The following CACNA1G variants were observed in gnomAD, a reference collection of about 807,000 sequenced individuals.
CACNA1G encodes the protein voltage-dependent T-type calcium channel subunit alpha-1G.
CACNA1G carries 67 observed loss-of-function variants against 219.4 expected under a neutral mutation model. The observed-to-expected ratio is 0.31, with a 90% CI of 0.25 to 0.37. The LOEUF (loss-of-function observed/expected upper bound fraction) is 0.37. Ranked by LOEUF, CACNA1G falls within the 10% of genes least tolerant of loss-of-function variation. The pLI is 1.00. For missense variants in CACNA1G, 2,380 were observed against 3,231.4 expected, an observed-to-expected ratio of 0.74 and a Z score of 6.39; for synonymous variants, 1,296 against 1,345.3, an observed-to-expected ratio of 0.96 and a Z score of 0.80.
intron 22 of CACNA1G, among the ~76,000 whole-genome samples, chr17:50,605,513 G>A (rs905478251): frequency 9.9e-5 from 15 of 152,146 alleles, no homozygotes; most frequent in Admixed American, 4.6e-4. Context: ...TTAAAAGATC[G>A]CTGCTCCCCC....
chr17:50,617,597 C>T lies in CACNA1G; in HGVS notation c.5155+26C>T. ...GTTGGTGCCCAGCCCACGCACCTGC[C>T]CTCCTAGGGTGACCAGCCCAGGGAG... is the stretch of plus-strand genomic sequence containing the variant. On this transcript the variant is annotated intron_variant, in intron 29 of 37. Transcript: ENST00000359106. This position sits in a 1 kb window ranked among gnomAD's most constrained non-coding sequence, Gnocchi z 5.8. 1.2e-6 allele frequency: 2 copies of T among 1,609,148 alleles called. No homozygotes were observed. Among genetic ancestry groups the T allele is most frequent in the Non-Finnish European group, 8.5e-7 (1 of 1,176,658 alleles).
chr17:50,567,978 A>G (rs1336166191), intron 1 of CACNA1G, among the ~76,000 whole-genome samples: 1 of 152,166 alleles, frequency 6.6e-6, no homozygotes, highest in Non-Finnish European at 1.5e-5. Context: ...GGGGGTAGAC[A>G]TTGTCCACTC....
chr17:50,572,416 C>A (rs916979), intron 5 of CACNA1G, 138 bp from the exon 6 acceptor site: 5 of 706,338 alleles, frequency 7.1e-6, no homozygotes, highest in East Asian at 2.7e-5. Flanking sequence ...CCTGCCCTGC[C>A]CAGTCCCTTC....
At chr17:50,609,588 G>T (rs890207486) in intron 25 of CACNA1G, among the ~76,000 whole-genome samples, 1 of 152,198 alleles carries the variant, frequency 6.6e-6, no homozygotes, top group Non-Finnish European at 1.5e-5. Context: ...TGTCTCAGGT[G>T]CAGCTGAGGC....
At chr17:50,604,532 T>C (rs1471495784) in intron 22 of CACNA1G, among the ~76,000 whole-genome samples, 2 of 152,258 alleles carry the variant, frequency 1.3e-5, no homozygotes, top group South Asian at 2.1e-4. Context: ...CGCAGGCTGC[T>C]GTTCCTGCCC....
Position 50,604,295 on chromosome 17 carries a change from TG to T in CACNA1G, c.4296+19del, listed in dbSNP as rs2047459516. The T allele has an allele frequency of 6.2e-7, 1 of 1,612,340 alleles. No homozygotes were observed. The highest frequency in any genetic ancestry group is 2.2e-5 in the East Asian group (1 of 44,826). On this transcript the variant is annotated intron_variant, in intron 22 of 37. Transcript: ENST00000359106. ...TTGGGGGTGCAGGTGTGTGGGGTTC[TG>T]GGGGCCAGCTGTGGGTGAAAGCCTG...
chr17:50,581,426 G>T lies in CACNA1G; in HGVS notation c.2301+2862G>T, dbSNP rs550486313. Reference sequence around the variant, plus strand: ...GGCGGGCACTGGAAAGGGTGTTGCTGGTGCTTTGCCAGAGGAGGAGTCCCT... The same window carrying T: ...GGCGGGCACTGGAAAGGGTGTTGCTTGTGCTTTGCCAGAGGAGGAGTCCCT... On this transcript the variant is annotated intron_variant, in intron 9 of 37. Coordinates refer to ENST00000359106, the MANE Select transcript of CACNA1G (RefSeq NM_018896.5). 9.2e-5 allele frequency among the ~76,000 whole-genome samples: 14 copies of T among 152,152 alleles called. 1 individual carries two copies. The South Asian group carries it at 2.9e-3, about 32-fold the overall frequency.
At chr17:50,601,030 G>A (rs369505441) in intron 18 of CACNA1G, 21 bp from the exon 19 acceptor site, 177 of 1,611,426 alleles carry the variant, frequency 1.1e-4, no homozygotes, top group Middle Eastern at 9.9e-4. Context: ...CCTCTCAGCC[G>A]TTGCCTCCAT....
At position 50,596,490 on chromosome 17, in the gene CACNA1G, AG is replaced by A; in HGVS notation, c.2980-69del. The A allele has an allele frequency of 8.3e-7, 1 of 1,208,324 alleles. No individual in the cohort carries two copies. The highest frequency in any genetic ancestry group is 2.4e-5 in the East Asian group (1 of 42,460). 74.9% of individuals were successfully genotyped at this position (1,208,324 alleles called of 1,614,324 possible). Reference sequence around the variant, plus strand: ...ATATGTGGTGTGCGTGTGTGAAGAGAGGGAGGCCCGGTCCATCCCAACCACC... The same window carrying A: ...ATATGTGGTGTGCGTGTGTGAAGAGAGGAGGCCCGGTCCATCCCAACCACC... On this transcript the variant is annotated intron_variant, in intron 14 of 37. Transcript: ENST00000359106. The surrounding 1 kb of genome is among the most constrained non-coding windows in gnomAD (Gnocchi z 4.8).
intron 19 of CACNA1G, 90 bp from the exon 20 acceptor site, chr17:50,602,730 G>T: frequency 3.6e-6 from 4 of 1,106,428 alleles, no homozygotes; most frequent in Non-Finnish European, 2.7e-6. Context: ...TCAAATGTTA[G>T]AAGCAGGTTT....
chr17:50,581,503 A>G (rs2145124141), intron 9 of CACNA1G, among the ~76,000 whole-genome samples: 1 of 151,874 alleles, frequency 6.6e-6, no homozygotes, highest in East Asian at 1.9e-4. Context: ...GTCCTCTCCC[A>G]CCATCCCCTG....
In CACNA1G at chr17:50,573,003, C is replaced by G; in HGVS notation, c.1048-18C>G. 1 of 1,569,800 alleles carries G rather than the reference C, an allele frequency of 6.4e-7. No homozygotes were observed. Among genetic ancestry groups the G allele is most frequent in the South Asian group, 1.2e-5 (1 of 86,196 alleles). The stretch of plus-strand genomic sequence containing the variant: ...ATTTGGTGGGCCCATAGTCAGCCTG[C>G]CCCTCTGCACCCCCTAGGTCATCAC... On this transcript the variant is annotated intron_variant, in intron 6 of 37. Coordinates refer to ENST00000359106, the MANE Select transcript of CACNA1G (RefSeq NM_018896.5).
chr17:50,605,888 G>A lies in CACNA1G; in HGVS notation c.4297-10G>A, dbSNP rs938200956. ...CTCACTTTTCTCTGTCTCTGGGAAT[G>A]TGTGTCCAGCTCTTCAAAGGGAAGT... On this transcript the variant is annotated splice_polypyrimidine_tract_variant and intron_variant, in intron 22 of 37. Transcript: ENST00000359106. The A allele has an allele frequency of 4.3e-6, 7 of 1,613,092 alleles. No homozygotes were observed. Among genetic ancestry groups the A allele is most frequent in the African/African-American group, 4.0e-5 (3 of 75,068 alleles).
rs538302544 is a variant in CACNA1G at position 50,587,643 on chromosome 17, A to T, written c.2302-2828A>T. Among the ~76,000 whole-genome samples, 11 of 152,318 alleles carry T rather than the reference A, an allele frequency of 7.2e-5. No individual in the cohort carries two copies. The East Asian group carries it at 1.9e-3, about 27-fold the overall frequency. ...CATTTACCCTAAGTGTTGCAGGGAG[A>T]CTAGAGAGAGCAAGGCAGGGCCGAG... On this transcript the variant is annotated intron_variant, in intron 9 of 37. Coordinates refer to ENST00000359106, the MANE Select transcript of CACNA1G (RefSeq NM_018896.5).
chr17:50,567,089 T>A (rs930473955), intron 1 of CACNA1G, among the ~76,000 whole-genome samples: 1 of 152,186 alleles, frequency 6.6e-6, no homozygotes, highest in African/African-American at 2.4e-5. Context: ...TCCCTTCCTG[T>A]CCCCCTTTTT....
At chr17:50,599,108 G>C (rs2046116429) in intron 16 of CACNA1G, among the ~76,000 whole-genome samples, 1 of 152,162 alleles carries the variant, frequency 6.6e-6, no homozygotes. Flanking sequence ...GTTGAGTTGT[G>C]TTTCTTCACC....
intron 37 of CACNA1G, among the ~76,000 whole-genome samples, 194 bp from the exon 38 acceptor site, chr17:50,625,823 G>A (rs1045625692): frequency 1.3e-5 from 2 of 152,156 alleles, no homozygotes; most frequent in Non-Finnish European, 2.9e-5. Flanking sequence ...TGGGGAGAGA[G>A]GAGGCATGGT....
rs764450118 is a variant in CACNA1G at position 50,621,759 on chromosome 17, A to G, written c.6025A>G (p.Met2009Val). 1.2e-6 allele frequency: 2 copies of G among 1,613,908 alleles called. No homozygotes were observed. Among genetic ancestry groups the G allele is most frequent in the Non-Finnish European group, 1.7e-6 (2 of 1,179,870 alleles). ...ALTDDSLPDD[M>V]HTLLLSALES... ...GACGGATGACTCTTTGCCTGATGAC[A>G]TGCACACACTCTTACTTAGTGCCCT... The change falls in exon 35 of 38, where the codon ATG becomes GTG. Residue 2009 changes from methionine to valine, a missense_variant. This residue lies in a region of CACNA1G where 672 missense variants were observed against 670.5 expected (regional missense o/e 1.00). Transcript: ENST00000359106. This position sits in a 1 kb window ranked among gnomAD's most constrained non-coding sequence, Gnocchi z 4.6.
Position 50,575,713 on chromosome 17 carries a change from C to A in CACNA1G, c.1311C>A (p.Leu437=). Residue 437 remains leucine, a synonymous_variant, in exon 8 of 38, where the codon CTC becomes CTA. Coordinates refer to ENST00000359106, the MANE Select transcript of CACNA1G (RefSeq NM_018896.5). ...CCGGCAGCTGCTATGAGGAGCTGCTCAAGTACCTGGTGTACATCCTTCGTA... is the reference window on the plus strand; with the variant it reads ...CCGGCAGCTGCTATGAGGAGCTGCTAAAGTACCTGGTGTACATCCTTCGTA... ...SEPGSCYEEL[L]KYLVYILRKA... 6.2e-7 allele frequency: 1 copy of A among 1,601,698 alleles called. No individual in the cohort carries two copies. Among genetic ancestry groups the A allele is most frequent in the East Asian group, 2.3e-5 (1 of 44,258 alleles).
Sources: allele counts gnomAD v4.1 joint callset (sites outside exome capture counted in the v4.1 genomes callset), GRCh38; gene constraint gnomAD v4.1.1; regional missense constraint gnomAD v4.1.1; non-coding constraint Gnocchi (gnomAD v3.1); transcripts MANE v1.5; gene names NCBI Gene and HGNC (gene_info 2026-07-23, HGNC 2026-07-21).